The following CD163L1 variants were observed in gnomAD, a reference collection of about 807,000 sequenced individuals.
CD163L1 encodes scavenger receptor cysteine-rich type 1 protein M160.
In CD163L1, 124 loss-of-function variants were observed where a neutral mutation model predicts 165.4. The ratio of observed to expected loss-of-function variants is 0.75; its 90% confidence interval spans 0.65 to 0.87. The LOEUF (loss-of-function observed/expected upper bound fraction) is 0.87. Among genes scored for constraint, CD163L1 ranks in the 40% least tolerant of loss-of-function variants. CD163L1 has a pLI of 0.00. For synonymous variants in CD163L1, 585 were observed against 662.2 expected, an observed-to-expected ratio of 0.88 and a Z score of 1.79; for missense variants, 1,525 against 1,799.9, an observed-to-expected ratio of 0.85 and a Z score of 2.76.
At chr12:7,403,926 C>A (rs1326853192) in intron 5 of CD163L1, 71 bp from the exon 6 acceptor site, 2 of 1,249,322 alleles carry the variant, frequency 1.6e-6, no homozygotes, top group Non-Finnish European at 2.3e-6. Context: ...TCTCCTCCAA[C>A]CCCTCCAATG....
chr12:7,376,793 C>T (rs1440916198), intron 9 of CD163L1, among the ~76,000 whole-genome samples: 1 of 152,134 alleles, frequency 6.6e-6, no homozygotes, highest in East Asian at 1.9e-4. Context: ...CCCTTCAACC[C>T]TAGCGCCTTG....
intron 4 of CD163L1, among the ~76,000 whole-genome samples, chr12:7,425,657 A>G (rs918820373): frequency 2.6e-5 from 4 of 152,170 alleles, no homozygotes; most frequent in African/African-American, 9.7e-5. Context: ...CCCCATCAAA[A>G]AGTGGGCAAA....
intron 19 of CD163L1, among the ~76,000 whole-genome samples, 160 bp downstream of exon 19, chr12:7,357,220 C>G (rs1946795910): frequency 6.6e-6 from 1 of 152,154 alleles, no homozygotes; most frequent in Non-Finnish European, 1.5e-5. Context: ...TCATCAACCT[C>G]TCTCTTTTCC....
At chr12:7,399,461 C>T (rs2136510100) in intron 6 of CD163L1, among the ~76,000 whole-genome samples, 2 of 150,664 alleles carry the variant, frequency 1.3e-5, no homozygotes, top group African/African-American at 4.9e-5. Flanking sequence ...TCCTCCCTTT[C>T]CCTTCTTTCC....
chr12:7,366,315 A>G (rs1228124584), intron 18 of CD163L1, among the ~76,000 whole-genome samples: 1 of 152,152 alleles, frequency 6.6e-6, no homozygotes, highest in Non-Finnish European at 1.5e-5. Flanking sequence ...AATAAAACCT[A>G]GTGTTTGATA....
rs1948695441 is a variant in CD163L1 at position 7,434,915 on chromosome 12, A to C, written c.125-1221T>G. On this transcript the variant is annotated intron_variant, in intron 2 of 19. Coordinates refer to ENST00000313599, the MANE Select transcript of CD163L1 (RefSeq NM_174941.6). ...GCCTATACTATACTCATAACTAGAA[A>C]TTTTGGTTTCCTTATATTTCTCTTT... 2.0e-5 allele frequency among the ~76,000 whole-genome samples: 3 copies of C among 152,182 alleles called. No individual in the cohort carries two copies. The Middle Eastern group carries it at 0.01, about 518-fold the overall frequency.
At position 7,369,988 on chromosome 12, in the gene CD163L1, A is replaced by T. The variant is rs1250645768; in HGVS notation, c.3731-323T>A. 2.6e-5 allele frequency among the ~76,000 whole-genome samples: 4 copies of T among 152,198 alleles called. No homozygotes were observed. Among genetic ancestry groups the T allele is most frequent in the Non-Finnish European group, 5.9e-5 (4 of 68,034 alleles). Reference sequence around the variant, plus strand: ...TTTCAGTGTCCTATCTGACCCAAACATCCTATCTTGCCCCTCTCATTTTCA... The same window carrying T: ...TTTCAGTGTCCTATCTGACCCAAACTTCCTATCTTGCCCCTCTCATTTTCA... On this transcript the variant is annotated intron_variant, in intron 14 of 19. Transcript: ENST00000313599. This position sits in a 1 kb window ranked among gnomAD's most constrained non-coding sequence, Gnocchi z 4.9.
intron 4 of CD163L1, among the ~76,000 whole-genome samples, chr12:7,418,972 C>A (rs1007424196): frequency 2.6e-5 from 4 of 152,034 alleles, no homozygotes; most frequent in Admixed American, 2.0e-4. Flanking sequence ...GATACCAATC[C>A]TATTGACACT....
At chr12:7,353,417 A>G (rs910590578), downstream of CD163L1, among the ~76,000 whole-genome samples, 8 of 151,238 alleles carry the variant, frequency 5.3e-5, no homozygotes, top group African/African-American at 1.9e-4. Flanking sequence ...TGAAAATCCA[A>G]ATAATCCAAT....
At chr12:7,380,547 A>T (rs1203059714) in intron 8 of CD163L1, among the ~76,000 whole-genome samples, 1 of 152,028 alleles carries the variant, frequency 6.6e-6, no homozygotes, top group Non-Finnish European at 1.5e-5. Context: ...CAAATATTGT[A>T]TGTTCTCACT....
intron 2 of CD163L1, among the ~76,000 whole-genome samples, chr12:7,440,682 A>G (rs1209682570): frequency 4.9e-5 from 7 of 142,516 alleles, no homozygotes; most frequent in African/African-American, 1.9e-4. Flanking sequence ...GCTGGAGTGT[A>G]GGGGCACGAT....
intron 8 of CD163L1, among the ~76,000 whole-genome samples, chr12:7,390,819 G>C (rs978196459): frequency 2.0e-5 from 3 of 152,116 alleles, no homozygotes; most frequent in African/African-American, 7.2e-5. Context: ...TCTGAGTCAG[G>C]GAGTCCAACT....
At chr12:7,389,751 T>C (rs1026822475) in intron 8 of CD163L1, among the ~76,000 whole-genome samples, 6 of 151,984 alleles carry the variant, frequency 3.9e-5, no homozygotes, top group African/African-American at 1.2e-4. Context: ...ATTGCACACC[T>C]GTATCAGAAT....
the CD163L1 span, chr12:7,323,236 A>C: frequency 3.0e-5 from 48 of 1,606,892 alleles, no homozygotes; most frequent in Non-Finnish European, 4.0e-5. Flanking sequence ...CTCAATAGGG[A>C]ATGATTTGTG....
the CD163L1 span, chr12:7,324,594 G>C: frequency 6.2e-7 from 1 of 1,613,838 alleles, no homozygotes; most frequent in Non-Finnish European, 8.5e-7. Context: ...CAAATCCGCG[G>C]AGAGGTAGAT....
At chr12:7,394,281 T>A (rs1329547318) in intron 8 of CD163L1, among the ~76,000 whole-genome samples, 3 of 152,058 alleles carry the variant, frequency 2.0e-5, no homozygotes, top group Admixed American at 1.3e-4. Context: ...CCCTCAGAAA[T>A]AATGCCACAT....
downstream of CD163L1, among the ~76,000 whole-genome samples, chr12:7,346,226 A>T (rs1263011201): frequency 1.3e-5 from 2 of 151,852 alleles, no homozygotes; most frequent in Admixed American, 1.3e-4. Flanking sequence ...ATCATCTTTT[A>T]TTTTTGTAGA....
chr12:7,364,456 A>G (rs755780133), intron 18 of CD163L1, among the ~76,000 whole-genome samples: 2 of 152,304 alleles, frequency 1.3e-5, no homozygotes, highest in East Asian at 1.9e-4. Context: ...AGGCAAGAGA[A>G]AGACATATGG....
chr12:7,373,190 A>G (rs938735800), intron 14 of CD163L1, 130 bp downstream of exon 14: 2 of 721,550 alleles, frequency 2.8e-6, no homozygotes, highest in East Asian at 2.7e-5. Flanking sequence ...CAGATGCGAT[A>G]AATCAGCACT....
Sources: allele counts gnomAD v4.1 joint callset (sites outside exome capture counted in the v4.1 genomes callset), GRCh38; gene constraint gnomAD v4.1.1; non-coding constraint Gnocchi (gnomAD v3.1); transcripts MANE v1.5; gene names NCBI Gene and HGNC (gene_info 2026-07-23, HGNC 2026-07-21).